The following NCOR2 variants were observed in gnomAD, a reference collection of about 807,000 sequenced individuals.
The protein encoded by NCOR2 is CTG repeat protein 26.
A neutral mutation model predicts 262.9 loss-of-function variants in NCOR2; 81 were observed. The ratio of observed to expected loss-of-function variants is 0.31; its 90% CI spans 0.26 to 0.37. The LOEUF (loss-of-function observed/expected upper bound fraction) is 0.37. Among genes scored for constraint, NCOR2 ranks in the 10% least tolerant of loss-of-function variants. The pLI, the probability that NCOR2 is intolerant of heterozygous loss-of-function variation, is 1.00. For missense variants in NCOR2, 3,385 were observed against 3,621.4 expected (o/e 0.93, Z 1.68); for synonymous variants, 1,659 against 1,559.3 (o/e 1.06, Z -1.51).
At chr12:124,334,207 T>G (rs1490336153) in intron 41 of NCOR2, 8 of 485,188 alleles carry the variant, frequency 1.6e-5, no homozygotes, top group Non-Finnish European at 2.9e-5. Flanking sequence ...CGTGAGTGCC[T>G]GGAACCCACT....
intron 4 of NCOR2, 88 bp from the exon 7 acceptor site, chr12:124,466,374 C>T (rs2046417645): frequency 2.5e-6 from 3 of 1,200,262 alleles, no homozygotes; most frequent in African/African-American, 3.1e-5. Context: ...GGCCCCCTTG[C>T]AGCCCGGGCC....
rs565910786 is a variant in NCOR2, at chr12:124,437,917, G to A, written c.882+13C>T. On this transcript the variant is annotated intron_variant, in intron 8 of 46. Transcript: ENST00000405201. Reference sequence around the variant, plus strand: ...CTCAAGGAAAGCTGATGGGGGCCACGGTGTGGACTTACCCATTGTTTCCGA... The same window carrying A: ...CTCAAGGAAAGCTGATGGGGGCCACAGTGTGGACTTACCCATTGTTTCCGA... The A allele has an allele frequency of 1.8e-5, 29 of 1,609,330 alleles. No homozygotes were observed. The highest frequency in any genetic ancestry group is 5.3e-5 in the African/African-American group (4 of 74,988).
Position 124,374,490 on chromosome 12 carries a change from A to G in NCOR2, c.2168-27T>C, listed in dbSNP as rs777252654. 4.4e-6 allele frequency: 7 copies of G among 1,608,666 alleles called. No homozygotes were observed. In the South Asian group the frequency reaches 5.5e-5, roughly 13 times the overall value. ...TGGAAGGAAGTCAGAGAAGAGTTAG[A>G]AGTGAGGCAGCACCAAGTAGTGGGA... is the stretch of plus-strand genomic sequence containing the variant. On this transcript the variant is annotated intron_variant, in intron 18 of 46. Transcript: ENST00000405201.
intron 17 of NCOR2, among the ~76,000 whole-genome samples, chr12:124,379,213 T>C (rs2040237555): frequency 6.6e-6 from 1 of 151,918 alleles, no homozygotes; most frequent in Non-Finnish European, 1.5e-5. Context: ...TGTCCAGGAA[T>C]GGAAAGAAGC....
chr12:124,342,054 G>C (rs761661732), exon 34 of NCOR2: 2 of 1,610,738 alleles, frequency 1.2e-6, no homozygotes, highest in South Asian at 2.2e-5. Flanking sequence ...GCCAGGTGTC[G>C]GGGCAGGTAG....
chr12:124,506,442 CACGGCG>C (rs1237893877), intron 1 of NCOR2, among the ~76,000 whole-genome samples: 7 of 152,182 alleles, frequency 4.6e-5, no homozygotes, highest in Non-Finnish European at 8.8e-5. Context: ...GCTCCCCCGC[CACGGCG>C]AAGTATGCTC....
At chr12:124,537,748 G>A (rs1205750613), upstream of NCOR2, 1 of 152,286 alleles carries the variant, frequency 6.6e-6, no homozygotes, top group African/African-American at 2.4e-5. Flanking sequence ...GCCCTCTCCA[G>A]TGCCTGGCAG....
chr12:124,543,387 G>A (rs1301987276), intron 1 of NCOR2, among the ~76,000 whole-genome samples: 1 of 152,222 alleles, frequency 6.6e-6, no homozygotes, highest in Admixed American at 6.5e-5. Flanking sequence ...CTTCCTGCCA[G>A]GCCACGTGCA....
chr12:124,481,570 G>A lies in NCOR2; in HGVS notation c.411+2026C>T, dbSNP rs189906231. On this transcript the variant is annotated intron_variant, in intron 3 of 46. Coordinates refer to ENST00000405201, the Ensembl canonical transcript of NCOR2. The surrounding 1 kb of genome is among the most constrained non-coding windows in gnomAD (Gnocchi z 4.6). ...GGGCGCTCCTGCGGAGGGCACAGCC[G>A]GTGCAAAGGTCCCCAGGTGGGAATG... 3.7e-4 allele frequency among the ~76,000 whole-genome samples: 57 copies of A among 152,304 alleles called. No individual in the cohort carries two copies. Among genetic ancestry groups the A allele is most frequent in the Middle Eastern group, 3.4e-3 (1 of 292 alleles).
chr12:124,337,862 C>T (rs781007811), intron 37 of NCOR2, among the ~76,000 whole-genome samples: 1 of 152,276 alleles, frequency 6.6e-6, no homozygotes, highest in South Asian at 2.1e-4. Flanking sequence ...CCTGCGTTTC[C>T]ATGGGGGCAC....
At chr12:124,507,489 C>T (rs952419292) in intron 1 of NCOR2, among the ~76,000 whole-genome samples, 27 of 152,240 alleles carry the variant, frequency 1.8e-4, no homozygotes, top group African/African-American at 6.3e-4. Flanking sequence ...CCAGTGGCCC[C>T]GGCACTCAGC....
At chr12:124,402,512 GGCTGCTGCTGCTGCTGCTGCT>G (rs35831183) in exon 14 of NCOR2, 53 of 1,459,414 alleles carry the variant, frequency 3.6e-5, no homozygotes, top group South Asian at 1.3e-4. Flanking sequence ...GCGGGGCATG[GGCTGCTGCTGCTGCTGCTGCT>G]GCTGCTGCTG....
At chr12:124,485,284 A>C (rs1043905005) in intron 2 of NCOR2, among the ~76,000 whole-genome samples, 10 of 152,306 alleles carry the variant, frequency 6.6e-5, no homozygotes, top group African/African-American at 2.4e-4. Context: ...TTAAGCTAAG[A>C]TGAGGCCATC....
chr12:124,463,703 T>C (rs527746636), intron 5 of NCOR2, among the ~76,000 whole-genome samples: 1 of 152,322 alleles, frequency 6.6e-6, no homozygotes, highest in South Asian at 2.1e-4. Context: ...TAAAATTTAA[T>C]CCTACTGATC....
intron 8 of NCOR2, among the ~76,000 whole-genome samples, chr12:124,431,224 A>T (rs1381854515): frequency 3.3e-5 from 5 of 151,786 alleles, no homozygotes; most frequent in African/African-American, 1.2e-4. Flanking sequence ...ACAGTCAGAC[A>T]GATATACACA....
chr12:124,402,620 T>A, intron 13 of NCOR2, 59 bp from the exon 16 acceptor site: 4 of 1,539,946 alleles, frequency 2.6e-6, no homozygotes, highest in Non-Finnish European at 3.5e-6. Context: ...CGTGAACAGG[T>A]GAATCTCTGC....
chr12:124,325,418 A>C (rs1566340798), exon 47 of NCOR2: 17 of 497,402 alleles, frequency 3.4e-5, no homozygotes, highest in Non-Finnish European at 4.5e-5. Flanking sequence ...GCTGTCGGAG[A>C]GTGTCTCGTA....
At chr12:124,479,239 C>T (rs573431796) in intron 3 of NCOR2, among the ~76,000 whole-genome samples, 131 of 152,282 alleles carry the variant, frequency 8.6e-4, no homozygotes, top group Non-Finnish European at 1.6e-3. Flanking sequence ...CACACGTGCA[C>T]ATGCACACAC....
At position 124,503,447 on chromosome 12, in the gene NCOR2, G is replaced by C. The variant is rs939532696; in HGVS notation, c.-117-8079C>G. ...TGAATGCATGCATGGATAGAGAAAGGAGGAAGGATGCATGGACTGATGGAT... is the reference window on the plus strand; with the variant it reads ...TGAATGCATGCATGGATAGAGAAAGCAGGAAGGATGCATGGACTGATGGAT... On this transcript the variant is annotated intron_variant, in intron 1 of 46. Transcript: ENST00000404621. This position sits in a 1 kb window ranked among gnomAD's most constrained non-coding sequence, Gnocchi z 4.3. Among the ~76,000 whole-genome samples the C allele has an allele frequency of 7.2e-5, 11 of 152,022 alleles. 1 individual carries two copies. Among genetic ancestry groups the C allele is most frequent in the Admixed American group, 6.6e-4 (10 of 15,262 alleles).
Sources: gnomAD v4.1 joint callset for allele counts (sites outside exome capture counted in the v4.1 genomes callset) on GRCh38, gnomAD v4.1.1 for gene constraint, Gnocchi (gnomAD v3.1) non-coding constraint, MANE v1.5 for transcripts, NCBI Gene and HGNC (gene_info 2026-07-23, HGNC 2026-07-21) for gene names.